The following GABRB2 variants were observed in gnomAD, a reference collection of about 807,000 sequenced individuals.
The protein encoded by GABRB2 is gamma-aminobutyric acid type A receptor subunit beta2.
In GABRB2, 16 loss-of-function variants were observed where a neutral mutation model predicts 54.7. That is an observed-to-expected ratio of 0.29 (90% CI 0.20 to 0.44). The LOEUF is 0.44. GABRB2 is among the 20% of genes least tolerant of loss of function. The pLI, the probability that GABRB2 is intolerant of heterozygous loss-of-function variation, is 1.00. For missense variants in GABRB2, 355 were observed against 644.0 expected (o/e 0.55, Z 4.86); for synonymous variants, 244 against 233.8 (o/e 1.04, Z -0.40).
At chr5:161,452,220 C>T (rs531006807) in intron 4 of GABRB2, among the ~76,000 whole-genome samples, 2 of 152,196 alleles carry the variant, frequency 1.3e-5, no homozygotes, top group South Asian at 4.1e-4. Context: ...TAAATAGTTT[C>T]TTGAGCAATT....
chr5:161,513,469 G>A (rs1759839942), intron 3 of GABRB2, among the ~76,000 whole-genome samples: 1 of 152,052 alleles, frequency 6.6e-6, no homozygotes, highest in Non-Finnish European at 1.5e-5. Context: ...ACAAAATCAT[G>A]TCAGTTGCTG....
chr5:161,313,113 G>T (rs1439896789), intron 9 of GABRB2, among the ~76,000 whole-genome samples: 1 of 152,198 alleles, frequency 6.6e-6, no homozygotes, highest in South Asian at 2.1e-4. Context: ...AGGTCAAGCT[G>T]TTATGTCCTG....
chr5:161,373,426 A>C (rs1247251351), intron 5 of GABRB2, among the ~76,000 whole-genome samples: 1 of 152,216 alleles, frequency 6.6e-6, no homozygotes, highest in African/African-American at 2.4e-5. Flanking sequence ...CAGTTCCAGA[A>C]CCATGCTCTT....
chr5:161,479,981 C>T (rs1758709892), intron 3 of GABRB2, among the ~76,000 whole-genome samples: 1 of 152,066 alleles, frequency 6.6e-6, no homozygotes, highest in African/African-American at 2.4e-5. Context: ...TACATGTGTA[C>T]ATACACCCAT....
At chr5:161,490,096 C>T (rs1759055329) in intron 3 of GABRB2, among the ~76,000 whole-genome samples, 1 of 151,730 alleles carries the variant, frequency 6.6e-6, no homozygotes, top group Non-Finnish European at 1.5e-5. Flanking sequence ...AAAATATTGT[C>T]TCAGCTGTAA....
At chr5:161,309,687 G>A (rs1757802761) in intron 9 of GABRB2, among the ~76,000 whole-genome samples, 1 of 151,014 alleles carries the variant, frequency 6.6e-6, no homozygotes, top group Non-Finnish European at 1.5e-5. Flanking sequence ...CTGGAGTGCA[G>A]TGGCGTGATC....
chr5:161,540,565 C>A (rs1760778427), intron 3 of GABRB2, among the ~76,000 whole-genome samples: 1 of 152,120 alleles, frequency 6.6e-6, no homozygotes, highest in African/African-American at 2.4e-5. Flanking sequence ...AATGTGAATC[C>A]TTTCCAGAAG....
At chr5:161,322,956 T>A (rs1453719496) in intron 9 of GABRB2, among the ~76,000 whole-genome samples, 1 of 152,168 alleles carries the variant, frequency 6.6e-6, no homozygotes, top group African/African-American at 2.4e-5. Flanking sequence ...AGTTTTAATT[T>A]ATCTTGAAAT....
intron 3 of GABRB2, among the ~76,000 whole-genome samples, chr5:161,486,747 A>G (rs1035800409): frequency 6.6e-6 from 1 of 151,820 alleles, no homozygotes; most frequent in Non-Finnish European, 1.5e-5. Flanking sequence ...CTCCTCCTCC[A>G]TGGCTGGAGA....
At chr5:161,297,831 G>A (rs1417065447) in intron 9 of GABRB2, among the ~76,000 whole-genome samples, 1 of 152,082 alleles carries the variant, frequency 6.6e-6, no homozygotes, top group African/African-American at 2.4e-5. Flanking sequence ...CGGTATTTCT[G>A]GTTCTAGGTC....
At chr5:161,411,561 C>T (rs967192629) in intron 4 of GABRB2, among the ~76,000 whole-genome samples, 2 of 152,076 alleles carry the variant, frequency 1.3e-5, no homozygotes, top group African/African-American at 4.8e-5. Context: ...CACAATCAGC[C>T]ATTTATCTAT....
chr5:161,373,556 A>G (rs753636012), intron 5 of GABRB2, among the ~76,000 whole-genome samples: 1 of 152,188 alleles, frequency 6.6e-6, no homozygotes, highest in Non-Finnish European at 1.5e-5. Flanking sequence ...TTCACTTTGC[A>G]ACATTTTTCT....
chr5:161,462,234 T>C (rs538510499), intron 3 of GABRB2, among the ~76,000 whole-genome samples: 3 of 152,322 alleles, frequency 2.0e-5, no homozygotes, highest in Admixed American at 2.0e-4. Context: ...TCTGGACTGT[T>C]CTGCAGCACT....
chr5:161,347,077 G>C (rs1754339453), intron 5 of GABRB2, among the ~76,000 whole-genome samples: 1 of 152,210 alleles, frequency 6.6e-6, no homozygotes, highest in Non-Finnish European at 1.5e-5. Context: ...TTGTCTAGGA[G>C]AGTCAGTTCA....
chr5:161,512,080 A>G (rs1353654931), intron 3 of GABRB2, among the ~76,000 whole-genome samples: 1 of 152,084 alleles, frequency 6.6e-6, no homozygotes, highest in African/African-American at 2.4e-5. Flanking sequence ...CCTGTAAGAA[A>G]GTATCTATAA....
chr5:161,382,033 C>A (rs758230747), intron 5 of GABRB2, among the ~76,000 whole-genome samples: 4 of 152,120 alleles, frequency 2.6e-5, no homozygotes, highest in Non-Finnish European at 5.9e-5. Context: ...GTAATTACAC[C>A]TTTAGTGAAG....
intron 3 of GABRB2, among the ~76,000 whole-genome samples, chr5:161,519,417 C>T (rs1448712594): frequency 6.6e-6 from 1 of 152,152 alleles, no homozygotes; most frequent in Non-Finnish European, 1.5e-5. Flanking sequence ...ACGAAGAAGG[C>T]TTTATGAAGC....
At position 161,439,378 on chromosome 5, in the gene GABRB2, C is replaced by T. The variant is rs1017687582; in HGVS notation, c.458+20246G>A. Among the ~76,000 whole-genome samples, 7 of 152,196 alleles carry T rather than the reference C, an allele frequency of 4.6e-5. No individual in the cohort carries two copies. The South Asian group carries it at 6.2e-4, about 14-fold the overall frequency. ...ACTGAGGGACTTCATCAATGCCAGT[C>T]CTGTCTTACAAGAAATGTTATAAGG... On this transcript the variant is annotated intron_variant, in intron 4 of 9. Coordinates refer to ENST00000393959, the MANE Select transcript of GABRB2 (RefSeq NM_001371727.1).
At chr5:161,501,832 G>A (rs952269007) in intron 3 of GABRB2, among the ~76,000 whole-genome samples, 1 of 149,654 alleles carries the variant, frequency 6.7e-6, no homozygotes, top group African/African-American at 2.4e-5. Context: ...AACCTAATAT[G>A]AAATATAACC....
Sources: allele counts gnomAD v4.1 joint callset (sites outside exome capture counted in the v4.1 genomes callset), GRCh38; gene constraint gnomAD v4.1.1; transcripts MANE v1.5; gene names NCBI Gene and HGNC (gene_info 2026-07-23, HGNC 2026-07-21).